Variants in HINT2 observed in about 807,000 individuals in gnomAD.
The protein encoded by HINT2 is adenosine 5'-monophosphoramidase HINT2.
Under a neutral mutation model 20.0 loss-of-function variants are expected in HINT2, and 17 were observed. The ratio of observed to expected loss-of-function variants is 0.85; its 90% CI spans 0.58 to 1.27. The LOEUF (loss-of-function observed/expected upper bound fraction) is 1.27. Among genes scored for constraint, HINT2 ranks in the 50% most tolerant of loss-of-function variants. HINT2 has a pLI of 0.00. For synonymous variants in HINT2, 96 were observed against 84.2 expected (o/e 1.14, Z -0.77); for missense variants, 217 against 211.9 (o/e 1.02, Z -0.15).
At chr9:35,814,556 G>A in intron 1 of HINT2, 2 of 282,800 alleles carry the variant, frequency 7.1e-6, no homozygotes, top group Non-Finnish European at 6.7e-6. Context: ...TAGGAGGCCA[G>A]AAGCCTGAGG....
At chr9:35,814,692 C>T in intron 1 of HINT2, 2 of 520,014 alleles carry the variant, frequency 3.8e-6, no homozygotes, top group Non-Finnish European at 6.6e-6. Flanking sequence ...CCTCGGCGCC[C>T]CGGCCTGCGC....
chr9:35,814,002 C>T, intron 1 of HINT2: 1 of 571,316 alleles, frequency 1.8e-6, no homozygotes, highest in Non-Finnish European at 3.1e-6. Context: ...GCAATTGATT[C>T]CTGCTCATGT....
chr9:35,815,022 G>A lies in HINT2; in HGVS notation c.-43C>T, dbSNP rs961128449. The A allele has an allele frequency of 1.5e-6, 2 of 1,372,572 alleles. No homozygotes were observed. Among genetic ancestry groups the A allele is most frequent in the South Asian group, 1.6e-5 (1 of 60,718 alleles). The allele number at this position is 1,372,572 out of a possible 1,614,324, so 85.0% of individuals were successfully genotyped here. ...AACCTCTCACCCGGGTCAGCACTCG[G>A]CTCCGCGGCCGGCCGTGGGTGGGGA... On this transcript the variant is annotated 5_prime_UTR_variant, in exon 1 of 5. Coordinates refer to ENST00000259667, the MANE Select transcript of HINT2 (RefSeq NM_032593.3).
Position 35,813,785 on chromosome 9 carries a change from C to T in HINT2, c.82-1G>A. 1 of 1,611,170 alleles carries T rather than the reference C, an allele frequency of 6.2e-7. No individual in the cohort carries two copies. Among genetic ancestry groups the T allele is most frequent in the South Asian group, 1.1e-5 (1 of 90,798 alleles). ...CAGTCACACCTGCAGCTCCTCGGAC[C>T]TGAAGGTGGATCGACCATATTCAAA... is the stretch of plus-strand genomic sequence containing the variant. On this transcript the variant is annotated splice_acceptor_variant, in intron 1 of 4. Transcript: ENST00000259667. LOFTEE classifies it high-confidence loss of function.
chr9:35,814,652 G>A lies in HINT2; in HGVS notation c.81+247C>T, dbSNP rs186910274. 3.2e-3 allele frequency: 1,488 copies of A among 458,270 alleles called. 7 individuals carry two copies. Among genetic ancestry groups the A allele is most frequent in the Non-Finnish European group, 4.8e-3 (1,238 of 258,784 alleles). The allele number at this position is 458,270 out of a possible 1,614,324, so 28.4% of individuals were successfully genotyped here. ...CTGGGCTGCAGGCAGTGGAAAGAAG[G>A]CGGCAGCCGCTGCACTGACCCTGTC... On this transcript the variant is annotated intron_variant, in intron 1 of 4. Transcript: ENST00000259667.
At position 35,813,160 on chromosome 9, in the gene HINT2, G is replaced by A. The variant is rs776917845; in HGVS notation, c.401-15C>T. The A allele has an allele frequency of 2.5e-5, 41 of 1,613,898 alleles. No homozygotes were observed. In the Middle Eastern group the frequency reaches 1.2e-3, roughly 45 times the overall value. Reference sequence around the variant, plus strand: ...ATCGTTGATCACTGAAATTGAGCTTGGGGTTAGGGAGTCAGGATCATGGCA... The same window carrying A: ...ATCGTTGATCACTGAAATTGAGCTTAGGGTTAGGGAGTCAGGATCATGGCA... On this transcript the variant is annotated splice_polypyrimidine_tract_variant and intron_variant, in intron 4 of 4. Coordinates refer to ENST00000259667, the MANE Select transcript of HINT2 (RefSeq NM_032593.3).
chr9:35,815,329 G>A, upstream of HINT2: 1 of 218,580 alleles, frequency 4.6e-6, no homozygotes, highest in Non-Finnish European at 9.0e-6. Context: ...CTGGAGGTGG[G>A]ATTTTCTCCT....
At chr9:35,814,815 G>A (rs1828977729) in intron 1 of HINT2, 84 bp downstream of exon 1, 6 of 1,220,618 alleles carry the variant, frequency 4.9e-6, no homozygotes, top group African/African-American at 1.6e-5. Flanking sequence ...GCTCTGCGCG[G>A]CTCTGCGCGC....
rs1209289717 is a variant in HINT2, at chr9:35,814,989, G to C, written c.-10C>G. The C allele has an allele frequency of 6.9e-7, 1 of 1,457,766 alleles. No individual in the cohort carries two copies. The highest frequency in any genetic ancestry group is 2.6e-5 in the Admixed American group (1 of 38,116). The allele number at this position is 1,457,766 out of a possible 1,614,324, so 90.3% of individuals were successfully genotyped here. A position where few individuals can be genotyped will look rare whatever the true frequency, so the allele number is the denominator to read the frequency against. ...CCACGGCTGCCGCCATCTTCCCTGA[G>C]CCGCGGGAACCTCTCACCCGGGTCA... On this transcript the variant is annotated 5_prime_UTR_variant, in exon 1 of 5. Coordinates refer to ENST00000259667, the MANE Select transcript of HINT2 (RefSeq NM_032593.3).
chr9:35,813,352 G>A lies in HINT2; in HGVS notation c.328-14C>T, dbSNP rs372690030. 80 of 1,612,534 alleles carry A rather than the reference G, an allele frequency of 5.0e-5. No homozygotes were observed. Among genetic ancestry groups the A allele is most frequent in the Admixed American group, 1.3e-4 (8 of 60,026 alleles). ...GTGTCCTAGAAGCTATAGAGAGAGC[G>A]GAGGGACATAGGTGGCTTCATTCAT... On this transcript the variant is annotated splice_polypyrimidine_tract_variant and intron_variant, in intron 3 of 4. Coordinates refer to ENST00000259667, the MANE Select transcript of HINT2 (RefSeq NM_032593.3).
chr9:35,813,794 G>A lies in HINT2; in HGVS notation c.82-10C>T, dbSNP rs779942354. The A allele has an allele frequency of 1.8e-5, 29 of 1,608,428 alleles. No homozygotes were observed. Among genetic ancestry groups the A allele is most frequent in the Middle Eastern group, 3.6e-4 (2 of 5,576 alleles). On this transcript the variant is annotated splice_polypyrimidine_tract_variant and intron_variant, in intron 1 of 4. Transcript: ENST00000259667. ...CTGCAGCTCCTCGGACCTGAAGGTG[G>A]ATCGACCATATTCAAAGGAGGGAGC...
chr9:35,814,899 C>G lies in HINT2; in HGVS notation c.81G>C (p.Gln27His). 1 of 1,489,676 alleles carries G rather than the reference C, an allele frequency of 6.7e-7. No individual in the cohort carries two copies. The highest frequency in any genetic ancestry group is 8.9e-7 in the Non-Finnish European group (1 of 1,127,346). The allele number at this position is 1,489,676 out of a possible 1,614,324, so 92.3% of individuals were successfully genotyped here. A position where few individuals can be genotyped will look rare whatever the true frequency, so the allele number is the denominator to read the frequency against. ...AVAATGVRGG[Q>H]VRGAAGVTDG... ...TACTCGCTCCCGCGCCACTTCTCAC[C>G]TGCCCCCCGCGCACCCCCGTGGCCG... Residue 27 changes from glutamine (Q) to histidine (H), a missense_variant and splice_region_variant, in exon 1 of 5, where the codon CAG becomes CAC. By Grantham distance (24) the Gln-to-His change is conservative (BLOSUM62 0). Transcript: ENST00000259667.
At chr9:35,813,876 C>T in intron 1 of HINT2, 92 bp from the exon 2 acceptor site, 1 of 1,396,888 alleles carries the variant, frequency 7.2e-7, no homozygotes, top group Non-Finnish European at 9.6e-7. Context: ...ACCTATTCAT[C>T]GTTCCCACCC....
intron 1 of HINT2, 175 bp from the exon 2 acceptor site, chr9:35,813,959 T>A: frequency 1.6e-6 from 1 of 638,766 alleles, no homozygotes; most frequent in Admixed American, 3.0e-5. Flanking sequence ...CCTGGTTAGA[T>A]AACAGGCGGT....
At chr9:35,813,224 G>C in intron 4 of HINT2, 42 bp downstream of exon 4, 8 of 1,612,256 alleles carry the variant, frequency 5.0e-6, no homozygotes, top group Non-Finnish European at 5.9e-6. Flanking sequence ...AAGTAGGAAT[G>C]AGAATTCATA....
Position 35,813,790 on chromosome 9 carries a change from G to T in HINT2, c.82-6C>A, listed in dbSNP as rs554049277. ...ACACCTGCAGCTCCTCGGACCTGAA[G>T]GTGGATCGACCATATTCAAAGGAGG... On this transcript the variant is annotated splice_region_variant and splice_polypyrimidine_tract_variant and intron_variant, in intron 1 of 4. Transcript: ENST00000259667. The T allele has an allele frequency of 1.2e-6, 2 of 1,609,974 alleles. No homozygotes were observed. The highest frequency in any genetic ancestry group is 2.7e-5 in the African/African-American group (2 of 74,928).
Position 35,813,191 on chromosome 9 carries a change from C to T in HINT2, c.401-46G>A, listed in dbSNP as rs745671676. The T allele has an allele frequency of 1.4e-4, 219 of 1,611,954 alleles. 2 individuals are homozygous for T. In the Middle Eastern group the frequency reaches 2.8e-3, roughly 21 times the overall value. ...AGGGAGTCAGGATCATGGCAGAGGT[C>T]GAAGAATGAAGATCATATTGAGAAG... On this transcript the variant is annotated intron_variant, in intron 4 of 4. Coordinates refer to ENST00000259667, the MANE Select transcript of HINT2 (RefSeq NM_032593.3).
chr9:35,815,073 T>C, upstream of HINT2: 2 of 1,183,906 alleles, frequency 1.7e-6, no homozygotes, highest in African/African-American at 1.6e-5. Context: ...AGCGGGGTAG[T>C]GGCGGCCGGG....
chr9:35,814,654 G>A (rs1055704490), intron 1 of HINT2: 15 of 458,164 alleles, frequency 3.3e-5, no homozygotes, highest in Non-Finnish European at 5.8e-5. Flanking sequence ...GAAAGAAGGC[G>A]GCAGCCGCTG....
Sources: allele counts gnomAD v4.1 joint callset, GRCh38; gene constraint gnomAD v4.1.1; transcripts MANE v1.5; gene names NCBI Gene and HGNC (gene_info 2026-07-23, HGNC 2026-07-21).